The following CERS3 variants were observed in gnomAD, a reference collection of about 807,000 sequenced individuals.
CERS3 encodes the protein ceramide synthase 3, also known as LAG1 homolog, ceramide synthase 3.
In CERS3, 33 loss-of-function variants were observed where a neutral mutation model predicts 50.3. That is an observed-to-expected ratio of 0.66 (90% confidence interval 0.50 to 0.88). The LOEUF is 0.88. Ranked by LOEUF, CERS3 falls within the 40% of genes least tolerant of loss-of-function variation. The pLI, the probability that CERS3 is intolerant of heterozygous loss-of-function variation, is 0.00. For synonymous variants in CERS3, 176 were observed against 155.2 expected (o/e 1.13, Z -0.99); for missense variants, 470 against 460.3 (o/e 1.02, Z -0.19).
At chr15:100,526,620 T>C (rs1374953655) in intron 1 of CERS3, among the ~76,000 whole-genome samples, 2 of 152,144 alleles carry the variant, frequency 1.3e-5, no homozygotes, top group Admixed American at 6.5e-5. Context: ...ACTTTTGGCA[T>C]AGGACATTCA....
chr15:100,407,501 T>A (rs1455193804), intron 11 of CERS3, among the ~76,000 whole-genome samples: 1 of 152,254 alleles, frequency 6.6e-6, no homozygotes, highest in Non-Finnish European at 1.5e-5. Flanking sequence ...TCTGTAACTA[T>A]CCAAGCCTAG....
intron 3 of CERS3, among the ~76,000 whole-genome samples, chr15:100,491,613 G>C (rs1052898765): frequency 6.6e-6 from 1 of 151,974 alleles, no homozygotes; most frequent in Non-Finnish European, 1.5e-5. Context: ...TTTAAATTTA[G>C]ATTGATTTTA....
intron 11 of CERS3, among the ~76,000 whole-genome samples, chr15:100,450,899 C>T (rs2034138791): frequency 6.6e-6 from 1 of 151,834 alleles, no homozygotes; most frequent in South Asian, 2.1e-4. Flanking sequence ...TGGCCATAGT[C>T]CTGAAAGTGG....
At chr15:100,440,616 G>A (rs2033636315) in intron 11 of CERS3, among the ~76,000 whole-genome samples, 1 of 152,194 alleles carries the variant, frequency 6.6e-6, no homozygotes, top group African/African-American at 2.4e-5. Context: ...GAAATTTGGT[G>A]CTGTGACTGG....
intron 2 of CERS3, chr15:100,503,991 A>T (rs2036089926): frequency 3.1e-6 from 1 of 319,010 alleles, no homozygotes; most frequent in South Asian, 2.5e-5. Flanking sequence ...AGACTAGATC[A>T]GAGGGTAGGA....
chr15:100,409,204 C>T (rs1277153877), intron 11 of CERS3, among the ~76,000 whole-genome samples: 1 of 152,118 alleles, frequency 6.6e-6, no homozygotes, highest in Non-Finnish European at 1.5e-5. Flanking sequence ...CCTCAGGTGC[C>T]ATCAGTTCTG....
chr15:100,423,147 G>C (rs1261371467), intron 11 of CERS3, among the ~76,000 whole-genome samples: 2 of 151,492 alleles, frequency 1.3e-5, no homozygotes, highest in Non-Finnish European at 2.9e-5. Flanking sequence ...TGGAGAAAAA[G>C]GAATGCTTAT....
At chr15:100,458,591 A>C (rs561720143) in intron 10 of CERS3, among the ~76,000 whole-genome samples, 16 of 152,194 alleles carry the variant, frequency 1.1e-4, no homozygotes, top group Non-Finnish European at 2.4e-4. Flanking sequence ...ATCTCAAAAA[A>C]AAAAAAAAAG....
At chr15:100,482,306 T>C (rs566515193) in intron 5 of CERS3, among the ~76,000 whole-genome samples, 81 of 151,976 alleles carry the variant, frequency 5.3e-4, no homozygotes, top group African/African-American at 1.8e-3. Context: ...TGGGTAACAA[T>C]GGTGATAGTG....
rs41459845 is a variant in CERS3 at position 100,416,404 on chromosome 15, C to T, written c.1000-13539G>A. Among the ~76,000 whole-genome samples, 826 of 152,300 alleles carry T rather than the reference C, an allele frequency of 5.4e-3. 7 individuals carry two copies. The highest frequency in any genetic ancestry group is 0.019 in the African/African-American group (789 of 41,564). On this transcript the variant is annotated intron_variant, in intron 11 of 11. Transcript: ENST00000679737. ...GGGAGCAGACTCCCTATTCAGTAAA[C>T]AGTGCTGGGATAGCTGGCAAGCTAC...
intron 7 of CERS3, 151 bp from the exon 8 acceptor site, chr15:100,476,329 A>T: frequency 4.5e-6 from 2 of 448,518 alleles, no homozygotes; most frequent in Non-Finnish European, 7.9e-6. Context: ...TCAACGAAGG[A>T]ATTAAAGATA....
chr15:100,532,627 A>T (rs945151147), upstream of CERS3, among the ~76,000 whole-genome samples: 1 of 152,022 alleles, frequency 6.6e-6, no homozygotes, highest in Non-Finnish European at 1.5e-5. Context: ...ATAGCTGGGT[A>T]TGGTAGCTGT....
intron 2 of CERS3, chr15:100,503,968 G>A (rs778937134): frequency 1.2e-4 from 41 of 332,224 alleles, no homozygotes; most frequent in Non-Finnish European, 2.4e-4. Flanking sequence ...AGTGAGGCCC[G>A]AGGGTAATGG....
At chr15:100,485,989 T>C (rs2035471726) in intron 4 of CERS3, among the ~76,000 whole-genome samples, 1 of 152,200 alleles carries the variant, frequency 6.6e-6, no homozygotes, top group South Asian at 2.1e-4. Context: ...GTGGGAGCCG[T>C]ATGGATACAG....
At chr15:100,482,294 G>C (rs551102146) in intron 5 of CERS3, among the ~76,000 whole-genome samples, 1 of 152,322 alleles carries the variant, frequency 6.6e-6, no homozygotes, top group East Asian at 1.9e-4. Context: ...AAACGAATTG[G>C]TTGGGTAACA....
At chr15:100,525,329 G>A (rs544430445) in intron 1 of CERS3, among the ~76,000 whole-genome samples, 1 of 152,204 alleles carries the variant, frequency 6.6e-6, no homozygotes, top group South Asian at 2.1e-4. Flanking sequence ...TGGGCAGGTA[G>A]GCCAAAAAAA....
rs551081650 is a variant in CERS3 at position 100,402,684 on chromosome 15, T to A, written c.*29A>T. 6.2e-7 allele frequency: 1 copy of A among 1,608,776 alleles called. No homozygotes were observed. The highest frequency in any genetic ancestry group is 1.7e-5 in the Admixed American group (1 of 59,258). Reference sequence around the variant, plus strand: ...GCTGCCAACAGTACTTGCAGCATGCTGTGCCATGGGAGTCCTGTAGGCTTC... The same window carrying A: ...GCTGCCAACAGTACTTGCAGCATGCAGTGCCATGGGAGTCCTGTAGGCTTC... On this transcript the variant is annotated 3_prime_UTR_variant, in exon 12 of 12. Transcript: ENST00000679737.
chr15:100,431,251 C>G (rs1369477098), intron 11 of CERS3, among the ~76,000 whole-genome samples: 3 of 152,294 alleles, frequency 2.0e-5, no homozygotes, highest in African/African-American at 7.2e-5. Flanking sequence ...CTATATTTCA[C>G]AAGTAACTTT....
chr15:100,480,732 A>G lies in CERS3; in HGVS notation c.408-686T>C, dbSNP rs535485717. Among the ~76,000 whole-genome samples the G allele has an allele frequency of 7.2e-4, 110 of 152,324 alleles. 1 individual carries two copies. Among genetic ancestry groups the G allele is most frequent in the Non-Finnish European group, 1.3e-3 (87 of 68,022 alleles). ...AATCTTTTATTAAATAAAAAATCAT[A>G]AGATACTGATATTGCAATTATGCTG... On this transcript the variant is annotated intron_variant, in intron 5 of 11. Transcript: ENST00000679737.
Sources: allele counts gnomAD v4.1 joint callset (sites outside exome capture counted in the v4.1 genomes callset), GRCh38; gene constraint gnomAD v4.1.1; transcripts MANE v1.5; gene names NCBI Gene and HGNC (gene_info 2026-07-23, HGNC 2026-07-21).